CAMK1D: variants seen among roughly 807,000 people sequenced by gnomAD.
The protein encoded by CAMK1D is calcium/calmodulin-dependent protein kinase type 1D.
Under a neutral mutation model 47.7 loss-of-function variants are expected in CAMK1D, and 9 were observed. The ratio of observed to expected loss-of-function variants is 0.19; its 90% CI spans 0.11 to 0.33. The LOEUF (loss-of-function observed/expected upper bound fraction) is 0.33. Among genes scored for constraint, CAMK1D ranks in the 10% least tolerant of loss-of-function variants. The probability of loss-of-function intolerance (pLI) is 1.00; values close to 1 mark genes in which losing one functional copy is unlikely to be tolerated. For missense variants in CAMK1D, 291 were observed against 488.7 expected, an observed-to-expected ratio of 0.60 and a Z score of 3.81; for synonymous variants, 184 against 184.9, an observed-to-expected ratio of 0.99 and a Z score of 0.04.
chr10:12,752,703 G>A (rs535974817), intron 3 of CAMK1D, among the ~76,000 whole-genome samples: 1 of 152,276 alleles, frequency 6.6e-6, no homozygotes, highest in East Asian at 1.9e-4. Context: ...TTGTCTTCAC[G>A]TTCTGAATCT....
chr10:12,814,615 G>A (rs1383000862), intron 7 of CAMK1D, among the ~76,000 whole-genome samples: 1 of 152,074 alleles, frequency 6.6e-6, no homozygotes, highest in Non-Finnish European at 1.5e-5. Flanking sequence ...GTCCTCACAT[G>A]GCAAAAGGGT....
At chr10:12,697,054 TA>T (rs1272585723) in intron 3 of CAMK1D, among the ~76,000 whole-genome samples, 1 of 152,134 alleles carries the variant, frequency 6.6e-6, no homozygotes, top group Non-Finnish European at 1.5e-5. Flanking sequence ...TGAGTTGCCT[TA>T]AAAAAATAGC....
At chr10:12,428,565 G>A (rs762081789) in intron 1 of CAMK1D, among the ~76,000 whole-genome samples, 39 of 151,980 alleles carry the variant, frequency 2.6e-4, no homozygotes, top group African/African-American at 2.9e-4. Flanking sequence ...CTTTCATCCC[G>A]TTCCTCTTCA....
At chr10:12,487,858 C>G (rs558874178) in intron 1 of CAMK1D, among the ~76,000 whole-genome samples, 1 of 152,144 alleles carries the variant, frequency 6.6e-6, no homozygotes, top group African/African-American at 2.4e-5. Context: ...AACAAATTAC[C>G]TATAGCATAA....
intron 1 of CAMK1D, among the ~76,000 whole-genome samples, chr10:12,381,580 C>G (rs1838348061): frequency 6.6e-6 from 1 of 152,144 alleles, no homozygotes; most frequent in African/African-American, 2.4e-5. Context: ...CCTGCCTTGG[C>G]CTCCCAAAGT....
rs1564499878 is a variant in CAMK1D, at chr10:12,695,059, GA to G, written c.299+28250del. Among the ~76,000 whole-genome samples, 185 of 130,576 alleles carry G rather than the reference GA, an allele frequency of 1.4e-3. 3 individuals are homozygous for G. The highest frequency in any genetic ancestry group is 0.012 in the East Asian group (57 of 4,642). 85.7% of individuals were successfully genotyped at this position (130,576 alleles called of 152,430 possible). ...AGATAGATAGATAGATAGATAGATAGATAGATACATAGGTAGATACATAGAT... is the reference window on the plus strand; with the variant it reads ...AGATAGATAGATAGATAGATAGATAGTAGATACATAGGTAGATACATAGAT... On this transcript the variant is annotated intron_variant, in intron 3 of 10. Transcript: ENST00000619168.
At chr10:12,816,035 A>G (rs1477270040) in intron 7 of CAMK1D, among the ~76,000 whole-genome samples, 1 of 152,012 alleles carries the variant, frequency 6.6e-6, no homozygotes, top group Admixed American at 6.6e-5. Flanking sequence ...GTCCCAGGCC[A>G]CCTCCTCACT....
intron 3 of CAMK1D, among the ~76,000 whole-genome samples, chr10:12,696,581 A>G (rs1016809270): frequency 5.3e-5 from 8 of 152,172 alleles, no homozygotes; most frequent in African/African-American, 1.9e-4. Flanking sequence ...AAGACTCGGA[A>G]TGCTTTCACA....
At chr10:12,505,982 A>G (rs1227279326) in intron 1 of CAMK1D, among the ~76,000 whole-genome samples, 1 of 152,214 alleles carries the variant, frequency 6.6e-6, no homozygotes, top group Admixed American at 6.5e-5. Context: ...AGGAGAATGT[A>G]GGTTGATTCC....
At chr10:12,739,471 A>G (rs183765162) in intron 3 of CAMK1D, among the ~76,000 whole-genome samples, 1,637 of 128,844 alleles carry the variant, frequency 0.013, 27 homozygotes, top group East Asian at 0.071. Flanking sequence ...TTGTATTTTC[A>G]GTAGAGACGG....
intron 1 of CAMK1D, among the ~76,000 whole-genome samples, chr10:12,437,487 G>A (rs1240494135): frequency 2.0e-5 from 3 of 152,110 alleles, no homozygotes; most frequent in South Asian, 2.1e-4. Context: ...GAGCTACCGC[G>A]CCCAGCCCAG....
chr10:12,766,965 G>A (rs1040585001), intron 4 of CAMK1D, among the ~76,000 whole-genome samples: 1 of 152,094 alleles, frequency 6.6e-6, no homozygotes, highest in Admixed American at 6.5e-5. Context: ...TCTTCACTGC[G>A]ATGTTGACAC....
At chr10:12,734,472 GTGTATATATACACATA>G (rs1835079973) in intron 3 of CAMK1D, among the ~76,000 whole-genome samples, 2 of 21,066 alleles carry the variant, frequency 9.5e-5, no homozygotes, top group Non-Finnish European at 1.3e-4. Flanking sequence ...ATACACATAT[GTGTATATATACACATA>G]TGTATATATA....
intron 1 of CAMK1D, among the ~76,000 whole-genome samples, chr10:12,547,673 T>TTCTCTC (rs1296013771): frequency 2.5e-5 from 3 of 117,770 alleles, no homozygotes; most frequent in African/African-American, 1.1e-4. Flanking sequence ...CTCTCTCTCT[T>TTCTCTC]TCTCTCTCTC....
At chr10:12,536,409 G>A (rs1302849830) in intron 1 of CAMK1D, among the ~76,000 whole-genome samples, 1 of 152,166 alleles carries the variant, frequency 6.6e-6, no homozygotes, top group Non-Finnish European at 1.5e-5. Context: ...CTCCAGAGTA[G>A]CTGGGATTAC....
At chr10:12,788,514 C>T (rs999706265) in intron 5 of CAMK1D, among the ~76,000 whole-genome samples, 2 of 152,216 alleles carry the variant, frequency 1.3e-5, no homozygotes, top group Non-Finnish European at 2.9e-5. Flanking sequence ...GCTGGTCAGC[C>T]GTTGCTCTAG....
At chr10:12,723,162 G>C (rs75207729) in intron 3 of CAMK1D, among the ~76,000 whole-genome samples, 2,419 of 152,284 alleles carry the variant, frequency 0.016, 35 homozygotes, top group African/African-American at 0.038. Flanking sequence ...CAATCTCATT[G>C]AGTCACACTT....
chr10:12,660,231 T>C (rs1840236980), intron 2 of CAMK1D, among the ~76,000 whole-genome samples: 1 of 152,212 alleles, frequency 6.6e-6, no homozygotes, highest in South Asian at 2.1e-4. Context: ...TGCTGAACTT[T>C]TTTTCTCCTC....
At chr10:12,658,767 C>G (rs772751667) in intron 2 of CAMK1D, among the ~76,000 whole-genome samples, 4 of 152,084 alleles carry the variant, frequency 2.6e-5, no homozygotes, top group Non-Finnish European at 5.9e-5. Flanking sequence ...CAGCATGACT[C>G]CAGGGGAAAC....
Sources: gnomAD v4.1 joint callset for allele counts (sites outside exome capture counted in the v4.1 genomes callset) on GRCh38, gnomAD v4.1.1 for gene constraint, MANE v1.5 for transcripts, NCBI Gene and HGNC (gene_info 2026-07-23, HGNC 2026-07-21) for gene names.